Variants in SERPIND1 observed in about 807,000 individuals in gnomAD.
SERPIND1 encodes heparin cofactor 2.
In SERPIND1, 34 loss-of-function variants were observed where a neutral mutation model predicts 35.0. The ratio of observed to expected loss-of-function variants is 0.97; its 90% CI spans 0.74 to 1.29. SERPIND1 has a LOEUF of 1.29. Ranked by LOEUF, SERPIND1 falls within the 50% of genes most tolerant of loss-of-function variation. The pLI, the probability that SERPIND1 is intolerant of heterozygous loss-of-function variation, is 0.00. For synonymous variants in SERPIND1, 236 were observed against 241.1 expected, an observed-to-expected ratio of 0.98 and a Z score of 0.19; for missense variants, 633 against 637.7, an observed-to-expected ratio of 0.99 and a Z score of 0.08.
chr22:20,777,406 C>T (rs1408297053), intron 1 of SERPIND1, among the ~76,000 whole-genome samples: 1 of 151,992 alleles, frequency 6.6e-6, no homozygotes, highest in Non-Finnish European at 1.5e-5. Context: ...TTTGTAGAGA[C>T]AGGGTTTCTC....
intron 1 of SERPIND1, among the ~76,000 whole-genome samples, chr22:20,778,660 G>A (rs926862562): frequency 3.3e-5 from 5 of 152,116 alleles, no homozygotes; most frequent in Non-Finnish European, 7.4e-5. Context: ...CATTGCAAAG[G>A]TGGAATGGTG....
Position 20,779,388 on chromosome 22 carries a change from G to C in SERPIND1, c.76G>C (p.Asp26His). 6.2e-7 allele frequency: 1 copy of C among 1,614,190 alleles called. No homozygotes were observed. The highest frequency in any genetic ancestry group is 8.5e-7 in the Non-Finnish European group (1 of 1,180,030). ...GTGGGGTGGGAGCAAAGGCCCGCTG[G>C]ATCAGCTAGAGAAAGGAGGGGAAAC... is the stretch of plus-strand genomic sequence containing the variant. ...SAWGGSKGPL[D>H]QLEKGGETAQ... Residue 26 changes from aspartate to histidine, a missense_variant, in exon 2 of 5, where the codon GAT becomes CAT. Physicochemically the swap from Asp to His is moderately conservative, Grantham distance 81. Coordinates refer to ENST00000215727, the MANE Select transcript of SERPIND1 (RefSeq NM_000185.4).
At position 20,776,355 on chromosome 22, in the gene SERPIND1, A is replaced by G. The variant is rs532896697; in HGVS notation, c.-17+2210A>G. ...ATAAAAATAAAAAGAAATCGTTTCT[A>G]GAAACTGTTTTCCCGTGTGTAAACT... On this transcript the variant is annotated intron_variant, in intron 1 of 4. Coordinates refer to ENST00000215727, the MANE Select transcript of SERPIND1 (RefSeq NM_000185.4). 2.0e-5 allele frequency among the ~76,000 whole-genome samples: 3 copies of G among 152,326 alleles called. No individual in the cohort carries two copies. In the South Asian group the frequency reaches 6.2e-4, roughly 32 times the overall value.
rs766484154 is a variant in SERPIND1, at chr22:20,779,206, G to A, written c.-16-91G>A. 5.4e-5 allele frequency: 86 copies of A among 1,599,258 alleles called. No homozygotes were observed. The Middle Eastern group carries it at 3.8e-3, about 71-fold the overall frequency. On this transcript the variant is annotated intron_variant, in intron 1 of 4. Coordinates refer to ENST00000215727, the MANE Select transcript of SERPIND1 (RefSeq NM_000185.4). ...TAATGCTGTGAGGGCCTCTTCCTGG[G>A]TCAAAGCCACAGGGAACCTGCCATG...
chr22:20,784,660 C>G (rs1345600812), intron 3 of SERPIND1, among the ~76,000 whole-genome samples: 1 of 152,218 alleles, frequency 6.6e-6, no homozygotes, highest in Non-Finnish European at 1.5e-5. Context: ...AAGATTGGCT[C>G]AACTCTTCCC....
chr22:20,786,270 C>G, intron 4 of SERPIND1, 122 bp downstream of exon 4: 1 of 1,111,306 alleles, frequency 9.0e-7, no homozygotes, highest in Non-Finnish European at 1.4e-6. Flanking sequence ...GCTGAGTCTG[C>G]TCTTCGGCCT....
chr22:20,784,712 C>T (rs1040096120), intron 3 of SERPIND1, among the ~76,000 whole-genome samples: 7 of 152,152 alleles, frequency 4.6e-5, no homozygotes, highest in African/African-American at 1.7e-4. Flanking sequence ...ACCGAGGACA[C>T]ATCATTCATG....
chr22:20,779,773 C>T lies in SERPIND1; in HGVS notation c.461C>T (p.Ala154Val). 6.2e-7 allele frequency: 1 copy of T among 1,614,220 alleles called. No homozygotes were observed. The highest frequency in any genetic ancestry group is 8.5e-7 in the Non-Finnish European group (1 of 1,180,036). ...AACACTTTCGATAACATCTTCATAG[C>T]ACCCGTTGGCATTTCTACTGCGATG... ...QVNTFDNIFI[A>V]PVGISTAMGM... is the part of the protein sequence containing the mutation. Residue 154 changes from alanine to valine, a missense_variant, in exon 2 of 5, where the codon GCA becomes GTA. By Grantham distance (64) the Ala-to-Val change is moderately conservative. Transcript: ENST00000215727.
At chr22:20,775,042 G>A (rs1281582266) in intron 1 of SERPIND1, among the ~76,000 whole-genome samples, 4 of 152,080 alleles carry the variant, frequency 2.6e-5, no homozygotes, top group Admixed American at 6.6e-5. Context: ...ACTTTAGGCA[G>A]TTACTTCTCT....
chr22:20,774,311 C>G (rs938076102), intron 1 of SERPIND1, among the ~76,000 whole-genome samples, 166 bp downstream of exon 1: 6 of 152,170 alleles, frequency 3.9e-5, no homozygotes, highest in African/African-American at 1.4e-4. Flanking sequence ...AAAATTGTGT[C>G]AGTTCCATTG....
intron 2 of SERPIND1, among the ~76,000 whole-genome samples, chr22:20,783,414 T>C (rs9608406): frequency 4.4e-5 from 6 of 137,756 alleles, no homozygotes; most frequent in South Asian, 2.3e-4. Context: ...CTAGGTAACA[T>C]AGCAAGACCC....
In SERPIND1 at chr22:20,786,268, T is replaced by C. The variant is rs1162102487; in HGVS notation, c.1308+120T>C. ...ATGTCCCAGCTTGGGGTGCTGAGTCTGCTCTTCGGCCTGGGTGGGATACAC... is the reference window on the plus strand; with the variant it reads ...ATGTCCCAGCTTGGGGTGCTGAGTCCGCTCTTCGGCCTGGGTGGGATACAC... On this transcript the variant is annotated intron_variant, in intron 4 of 4. Transcript: ENST00000215727. 4.4e-6 allele frequency: 5 copies of C among 1,139,764 alleles called. No homozygotes were observed. The Admixed American group carries it at 8.7e-5, about 20-fold the overall frequency. 70.6% of individuals were successfully genotyped at this position (1,139,764 alleles called of 1,614,324 possible). A position where few individuals can be genotyped will look rare whatever the true frequency, so the allele number is the denominator to read the frequency against.
chr22:20,784,391 C>A, intron 3 of SERPIND1, 146 bp downstream of exon 3: 1 of 1,134,028 alleles, frequency 8.8e-7, no homozygotes, highest in Non-Finnish European at 1.3e-6. Flanking sequence ...GTTAATTCAG[C>A]CCCAATTTGT....
At position 20,780,163 on chromosome 22, in the gene SERPIND1, C is replaced by T. The variant is rs1247541437; in HGVS notation, c.851C>T (p.Ala284Val). ...GATGCTCTGGAGAATATAGACCCTGCTACCCAGATGATGATTCTCAACTGC... is the reference window on the plus strand; with the variant it reads ...GATGCTCTGGAGAATATAGACCCTGTTACCCAGATGATGATTCTCAACTGC... The part of the protein sequence containing the change: ...IKDALENIDP[A>V]TQMMILNCIY... Residue 284 changes from alanine (A) to valine (V), a missense_variant, in exon 2 of 5, where the codon GCT (alanine) becomes GTT (valine). Coordinates refer to ENST00000215727, the MANE Select transcript of SERPIND1 (RefSeq NM_000185.4). 4 of 1,614,136 alleles carry T rather than the reference C, an allele frequency of 2.5e-6. No homozygotes were observed. Among genetic ancestry groups the T allele is most frequent in the Non-Finnish European group, 3.4e-6 (4 of 1,180,050 alleles).
chr22:20,786,550 C>T (rs566488187), intron 4 of SERPIND1, among the ~76,000 whole-genome samples: 3 of 152,356 alleles, frequency 2.0e-5, no homozygotes, highest in Middle Eastern at 3.4e-3. Context: ...CCAGTCCAAA[C>T]AGTGCAGCAG....
intron 4 of SERPIND1, 43 bp downstream of exon 4, chr22:20,786,191 G>C (rs752534168): frequency 6.2e-7 from 1 of 1,610,810 alleles, no homozygotes; most frequent in Admixed American, 1.7e-5. Flanking sequence ...CCCAGGGTCT[G>C]CCTCAGCACA....
rs1055354412 is a variant in SERPIND1, at chr22:20,779,558, G to A, written c.246G>A (p.Leu82=). 1 of 1,614,076 alleles carries A rather than the reference G, an allele frequency of 6.2e-7. No individual in the cohort carries two copies. The highest frequency in any genetic ancestry group is 8.5e-7 in the Non-Finnish European group (1 of 1,180,010). ...EGEEDDDYLD[L]EKIFSEDDDY... is the part of the protein sequence containing the mutation. ...AGGAGGACGACGACTATCTGGACCT[G>A]GAGAAGATATTCAGTGAAGACGACG... The change falls in exon 2 of 5, where the codon CTG becomes CTA. Residue 82 remains leucine, a synonymous_variant. Transcript: ENST00000215727.
chr22:20,784,968 C>T (rs1384474869), intron 3 of SERPIND1, among the ~76,000 whole-genome samples: 1 of 151,944 alleles, frequency 6.6e-6, no homozygotes, highest in African/African-American at 2.4e-5. Context: ...GGTAGCCAGT[C>T]ATCATGCTCT....
At chr22:20,778,789 G>C (rs997563546) in intron 1 of SERPIND1, among the ~76,000 whole-genome samples, 1 of 152,030 alleles carries the variant, frequency 6.6e-6, no homozygotes. Context: ...TGACTCTCTG[G>C]GCACTTCCAC....
Sources: gnomAD v4.1 joint callset for allele counts (sites outside exome capture counted in the v4.1 genomes callset) on GRCh38, gnomAD v4.1.1 for gene constraint, MANE v1.5 for transcripts, NCBI Gene and HGNC (gene_info 2026-07-23, HGNC 2026-07-21) for gene names.